Variants in ERBB4 observed in about 807,000 individuals in gnomAD.
The protein encoded by ERBB4 is erb-b2 receptor tyrosine kinase 4, also known as receptor tyrosine-protein kinase erbB-4.
In ERBB4, 42 loss-of-function variants were observed where a neutral mutation model predicts 158.0. The ratio of observed to expected loss-of-function variants is 0.27; its 90% confidence interval spans 0.21 to 0.34. The LOEUF (loss-of-function observed/expected upper bound fraction) is 0.34, where lower values mean the gene tolerates loss of function less well. ERBB4 is among the 10% of genes least tolerant of loss of function. ERBB4 has a pLI of 1.00. For synonymous variants in ERBB4, 583 were observed against 558.7 expected (o/e 1.04, Z -0.61); for missense variants, 1,333 against 1,624.1 (o/e 0.82, Z 3.08).
intron 2 of ERBB4, among the ~76,000 whole-genome samples, chr2:212,112,881 C>T (rs1415018867): frequency 2.6e-5 from 4 of 152,126 alleles, no homozygotes; most frequent in Non-Finnish European, 5.9e-5. Context: ...ACAAAATTCA[C>T]TGGAAGAAAA....
intron 1 of ERBB4, among the ~76,000 whole-genome samples, chr2:212,396,883 T>C (rs939375116): frequency 6.6e-6 from 1 of 152,152 alleles, no homozygotes; most frequent in South Asian, 2.1e-4. Context: ...AATAACCTCC[T>C]ACATTTTAAA....
intron 1 of ERBB4, among the ~76,000 whole-genome samples, chr2:212,483,292 C>G (rs1251632041): frequency 1.3e-5 from 2 of 152,180 alleles, no homozygotes; most frequent in Non-Finnish European, 2.9e-5. Flanking sequence ...AAAGAGCATT[C>G]AGGATTCATA....
intron 1 of ERBB4, among the ~76,000 whole-genome samples, chr2:212,266,176 T>C (rs982614038): frequency 1.3e-5 from 2 of 151,888 alleles, no homozygotes; most frequent in African/African-American, 4.8e-5. Context: ...ATGAAATTCC[T>C]TTCATTTTCT....
chr2:212,386,779 T>C (rs13019524), intron 1 of ERBB4, among the ~76,000 whole-genome samples: 41,525 of 151,878 alleles, frequency 0.27, 6,056 homozygotes, highest in South Asian at 0.37. Context: ...GTTACCACCC[T>C]TTATTCAAAT....
intron 1 of ERBB4, among the ~76,000 whole-genome samples, chr2:212,500,277 C>T (rs1484943445): frequency 1.3e-5 from 2 of 152,028 alleles, no homozygotes; most frequent in Non-Finnish European, 2.9e-5. Context: ...GCTCTCCTTC[C>T]TTCGGGCTAG....
rs73079315 is a variant in ERBB4, at chr2:211,950,371, G to C, written c.235-2755C>G. 9.6e-3 allele frequency among the ~76,000 whole-genome samples: 1,466 copies of C among 152,252 alleles called. 22 individuals are homozygous for C. The highest frequency in any genetic ancestry group is 0.034 in the African/African-American group (1,393 of 41,538). ...ATACAGGATAGAAGTGGGTGGAAGA[G>C]AGGCTATAGACTGGAGCCACTTCTC... On this transcript the variant is annotated intron_variant, in intron 2 of 27. Coordinates refer to ENST00000342788, the MANE Select transcript of ERBB4 (RefSeq NM_005235.3).
chr2:211,738,033 GTT>G (rs1384823697), intron 5 of ERBB4, among the ~76,000 whole-genome samples: 1 of 151,158 alleles, frequency 6.6e-6, no homozygotes, highest in Admixed American at 6.7e-5. Flanking sequence ...TAATCTAAGT[GTT>G]AAAATAATAC....
At chr2:211,438,978 TA>T (rs1297722386) in intron 20 of ERBB4, among the ~76,000 whole-genome samples, 3 of 136,944 alleles carry the variant, frequency 2.2e-5, no homozygotes, top group African/African-American at 6.1e-5. Context: ...ATAGTCCCAA[TA>T]ATATATTTGA....
intron 25 of ERBB4, among the ~76,000 whole-genome samples, chr2:211,399,448 A>C (rs1022051454): frequency 1.3e-5 from 2 of 152,204 alleles, no homozygotes; most frequent in Non-Finnish European, 2.9e-5. Flanking sequence ...AAGTTTTAAA[A>C]GATGTGGAAT....
At chr2:211,961,843 G>C (rs999636003) in intron 2 of ERBB4, among the ~76,000 whole-genome samples, 9 of 152,116 alleles carry the variant, frequency 5.9e-5, no homozygotes. Context: ...GAAAAAAGGA[G>C]GAGGAGGAAC....
intron 16 of ERBB4, among the ~76,000 whole-genome samples, chr2:211,644,249 A>C (rs1465175294): frequency 6.6e-6 from 1 of 152,062 alleles, no homozygotes; most frequent in Non-Finnish European, 1.5e-5. Flanking sequence ...ATTGTGACTG[A>C]ATTCACAAAA....
At chr2:211,838,550 T>C (rs867646992) in intron 3 of ERBB4, among the ~76,000 whole-genome samples, 6 of 152,256 alleles carry the variant, frequency 3.9e-5, no homozygotes, top group Non-Finnish European at 7.4e-5. Flanking sequence ...CTTTTCCCAT[T>C]GTCTTCACTT....
Position 211,941,612 on chromosome 2 carries a change from G to T in ERBB4, c.421+5818C>A, listed in dbSNP as rs528651155. Among the ~76,000 whole-genome samples, 108 of 151,954 alleles carry T rather than the reference G, an allele frequency of 7.1e-4. 1 individual carries two copies. The highest frequency in any genetic ancestry group is 6.0e-3 in the East Asian group (31 of 5,150). ...GAAGTGCTGTGAGGTAGCAAAGACA[G>T]CACTCTTCCTGAGAGTAGACAAAGG... On this transcript the variant is annotated intron_variant, in intron 3 of 27. Transcript: ENST00000342788.
intron 20 of ERBB4, among the ~76,000 whole-genome samples, chr2:211,484,495 AAAAGT>A (rs2065157507): frequency 6.6e-6 from 1 of 152,304 alleles, no homozygotes; most frequent in African/African-American, 2.4e-5. Flanking sequence ...CAAATAATTT[AAAAGT>A]AAAGGGATGG....
intron 1 of ERBB4, among the ~76,000 whole-genome samples, chr2:212,309,184 G>C (rs948461455): frequency 6.6e-6 from 1 of 150,852 alleles, no homozygotes; most frequent in Non-Finnish European, 1.5e-5. Context: ...ATCTTGATAA[G>C]TTAACACCCT....
intron 20 of ERBB4, among the ~76,000 whole-genome samples, chr2:211,554,828 T>C (rs1398267961): frequency 6.6e-6 from 1 of 152,174 alleles, no homozygotes; most frequent in African/African-American, 2.4e-5. Flanking sequence ...AACCCATACA[T>C]GGTAGGGTCA....
At chr2:212,315,767 T>C (rs1043027083) in intron 1 of ERBB4, among the ~76,000 whole-genome samples, 1 of 151,444 alleles carries the variant, frequency 6.6e-6, no homozygotes. Context: ...ATTTTGTTAA[T>C]ACATGGATTT....
intron 1 of ERBB4, among the ~76,000 whole-genome samples, chr2:212,293,988 A>T (rs1478969120): frequency 6.6e-6 from 1 of 151,950 alleles, no homozygotes; most frequent in Non-Finnish European, 1.5e-5. Flanking sequence ...CAGTTCCCTT[A>T]GAAAATCAGA....
At chr2:212,188,683 G>A (rs1332914152) in intron 1 of ERBB4, among the ~76,000 whole-genome samples, 2 of 151,448 alleles carry the variant, frequency 1.3e-5, no homozygotes, top group South Asian at 2.1e-4. Flanking sequence ...CTTTTACCTG[G>A]AACAAGCTTT....
Sources: allele counts gnomAD v4.1 joint callset (sites outside exome capture counted in the v4.1 genomes callset), GRCh38; gene constraint gnomAD v4.1.1; transcripts MANE v1.5; gene names NCBI Gene and HGNC (gene_info 2026-07-23, HGNC 2026-07-21).